Variants in AP3B2 observed in about 807,000 individuals in gnomAD.
AP3B2 encodes adaptor related protein complex 3 subunit beta 2.
In AP3B2, 50 loss-of-function variants were observed where a neutral mutation model predicts 126.9. That is an observed-to-expected ratio of 0.39 (90% CI 0.31 to 0.50). The LOEUF is 0.50. AP3B2 is among the 20% of genes least tolerant of loss of function. AP3B2 has a pLI of 0.79. For missense variants in AP3B2, 1,177 were observed against 1,426.4 expected, an observed-to-expected ratio of 0.83 and a Z score of 2.82; for synonymous variants, 541 against 565.0, an observed-to-expected ratio of 0.96 and a Z score of 0.60.
rs374654361 is a variant in AP3B2, at chr15:82,679,805, C to T, written c.1111-5G>A. On this transcript the variant is annotated splice_region_variant and splice_polypyrimidine_tract_variant and intron_variant, in intron 9 of 26. Transcript: ENST00000535359. ...CAGGTAGGGCTCAAACATACCCTGG[C>T]ACAAGAGAGGCAGCTAGGGAGCTCC... 3.7e-4 allele frequency: 594 copies of T among 1,613,766 alleles called. 1 individual carries two copies. Among genetic ancestry groups the T allele is most frequent in the Non-Finnish European group, 4.8e-4 (570 of 1,179,726 alleles).
At chr15:82,666,966 G>A (rs199773980) in intron 14 of AP3B2, 33 bp from the exon 15 acceptor site, 22 of 1,586,834 alleles carry the variant, frequency 1.4e-5, no homozygotes, top group Non-Finnish European at 1.6e-5. Context: ...GTCAGCTGAC[G>A]GGGGGATGGG....
chr15:82,659,489 G>A lies in AP3B2; in HGVS notation c.*71C>T, dbSNP rs1008145243. 1.6e-5 allele frequency: 25 copies of A among 1,564,060 alleles called. No individual in the cohort carries two copies. The highest frequency in any genetic ancestry group is 2.2e-5 in the Non-Finnish European group (25 of 1,144,960). ...GATGATGAGAGAGAGAGAGAAAGATGAGAGAGACTGACAGCCTAGGTGTCA... is the reference window on the plus strand; with the variant it reads ...GATGATGAGAGAGAGAGAGAAAGATAAGAGAGACTGACAGCCTAGGTGTCA... On this transcript the variant is annotated 3_prime_UTR_variant, in exon 27 of 27. Transcript: ENST00000535359.
intron 1 of AP3B2, among the ~76,000 whole-genome samples, chr15:82,701,542 A>G (rs934262606): frequency 6.6e-6 from 1 of 152,156 alleles, no homozygotes; most frequent in South Asian, 2.1e-4. Context: ...TGTTTTATCT[A>G]CTTACCACCT....
chr15:82,661,042 T>C (rs1019253644), intron 25 of AP3B2, among the ~76,000 whole-genome samples: 1 of 152,194 alleles, frequency 6.6e-6, no homozygotes, highest in African/African-American at 2.4e-5. Context: ...AGACACCTTC[T>C]GCCTTGTTGT....
chr15:82,684,131 A>G (rs545699671), intron 4 of AP3B2, among the ~76,000 whole-genome samples: 1 of 152,322 alleles, frequency 6.6e-6, no homozygotes, highest in Non-Finnish European at 1.5e-5. Flanking sequence ...TTGGCCCCTA[A>G]CAAGAGCCAG....
intron 14 of AP3B2, among the ~76,000 whole-genome samples, chr15:82,676,253 A>G (rs576762153): frequency 6.6e-6 from 1 of 152,124 alleles, no homozygotes; most frequent in South Asian, 2.1e-4. Context: ...TTCATAGGAG[A>G]GTCTCTTCAA....
chr15:82,704,756 C>G (rs2048771156), intron 1 of AP3B2, among the ~76,000 whole-genome samples: 1 of 152,256 alleles, frequency 6.6e-6, no homozygotes, highest in South Asian at 2.1e-4. Flanking sequence ...TTGGAAGCTT[C>G]CTGGACCATC....
At chr15:82,675,170 C>G (rs2048223466) in intron 14 of AP3B2, among the ~76,000 whole-genome samples, 1 of 152,240 alleles carries the variant, frequency 6.6e-6, no homozygotes, top group Non-Finnish European at 1.5e-5. Flanking sequence ...TCTAACTTCT[C>G]TCTCTCCAAT....
chr15:82,659,702 C>T lies in AP3B2; in HGVS notation c.3164G>A (p.Gly1055Glu). 1.2e-6 allele frequency: 2 copies of T among 1,613,838 alleles called. No homozygotes were observed. Among genetic ancestry groups the T allele is most frequent in the Non-Finnish European group, 8.5e-7 (1 of 1,179,830 alleles). Residue 1055 changes from glycine to glutamate, a missense_variant, in exon 27 of 27, where the codon GGG becomes GAG. By Grantham distance (98) the Gly-to-Glu change is moderately conservative. Transcript: ENST00000535359. ...CGTSDEYRFA[G>E]RTLTGGSLVL... Reference sequence around the variant, plus strand: ...GAGGCTTCCACCAGTCAGTGTCCTCCCTGCAAACCTGAGGTGGGAATAGAA... The same window carrying T: ...GAGGCTTCCACCAGTCAGTGTCCTCTCTGCAAACCTGAGGTGGGAATAGAA...
At chr15:82,673,712 T>G (rs906763646) in intron 14 of AP3B2, among the ~76,000 whole-genome samples, 4 of 152,226 alleles carry the variant, frequency 2.6e-5, no homozygotes, top group East Asian at 1.9e-4. Flanking sequence ...GGTGGACTTA[T>G]TAATAGTTTA....
chr15:82,683,553 C>T (rs1169327429), intron 4 of AP3B2, among the ~76,000 whole-genome samples: 3 of 152,180 alleles, frequency 2.0e-5, no homozygotes, highest in African/African-American at 7.2e-5. Flanking sequence ...TCAAAGTCAT[C>T]CATGGAGTTT....
chr15:82,680,044 C>T lies in AP3B2; in HGVS notation c.1110+131G>A. On this transcript the variant is annotated intron_variant, in intron 9 of 26. Transcript: ENST00000535359. The surrounding 1 kb of genome is among the most constrained non-coding windows in gnomAD (Gnocchi z 6.1). Reference sequence around the variant, plus strand: ...ATCTGTATTTGGAGCCTCCCCTGCCCCATCCTCTGCACAGCCAGGGTATTC... The same window carrying T: ...ATCTGTATTTGGAGCCTCCCCTGCCTCATCCTCTGCACAGCCAGGGTATTC... 7.6e-7 allele frequency: 1 copy of T among 1,323,646 alleles called. No homozygotes were observed. Among genetic ancestry groups the T allele is most frequent in the Non-Finnish European group, 1.0e-6 (1 of 957,956 alleles). 82.0% of individuals were successfully genotyped at this position (1,323,646 alleles called of 1,614,324 possible).
chr15:82,689,327 C>T (rs961309814), intron 2 of AP3B2, 51 bp downstream of exon 2: 19 of 1,612,228 alleles, frequency 1.2e-5, no homozygotes, highest in Non-Finnish European at 1.4e-5. Context: ...GAGAGCTGCT[C>T]TTGGCCACCC....
In AP3B2 at chr15:82,709,618, C is replaced by A; in HGVS notation, c.89G>T (p.Gly30Val). Residue 30 changes from glycine (G) to valine (V), a missense_variant, in exon 1 of 27, where the codon GGC becomes GTC. Transcript: ENST00000535359. ...PEYGHDPASGGIFSSDYKRHD... is the reference protein window; with the variant it reads ...PEYGHDPASGVIFSSDYKRHD... ...CCGCTTGTAGTCGGAGGAGAAGATG[C>A]CGCCGCTCGCGGGGTCGTGGCCGTA... The A allele has an allele frequency of 6.6e-7, 1 of 1,513,506 alleles. No homozygotes were observed. The highest frequency in any genetic ancestry group is 8.8e-7 in the Non-Finnish European group (1 of 1,132,816). The allele number at this position is 1,513,506 out of a possible 1,614,324, so 93.8% of individuals were successfully genotyped here.
chr15:82,709,459 G>C (rs1432576728), intron 1 of AP3B2, 135 bp downstream of exon 1: 33 of 402,228 alleles, frequency 8.2e-5, no homozygotes, highest in Non-Finnish European at 1.1e-4. Flanking sequence ...GCCGCAGGAG[G>C]GGGCCGGGCG....
At chr15:82,673,908 C>T (rs891495020) in intron 14 of AP3B2, among the ~76,000 whole-genome samples, 1 of 152,228 alleles carries the variant, frequency 6.6e-6, no homozygotes, top group African/African-American at 2.4e-5. Context: ...CCTCCTGCCA[C>T]ACATCTCACC....
At position 82,676,451 on chromosome 15, in the gene AP3B2, T is replaced by C. The variant is rs1407869719; in HGVS notation, c.1665+10A>G. Reference sequence around the variant, plus strand: ...CCAGAGTATCTGGGGGGTCATCTCTTAATCTTTACCTGTTTAGAGTTGGTC... The same window carrying C: ...CCAGAGTATCTGGGGGGTCATCTCTCAATCTTTACCTGTTTAGAGTTGGTC... On this transcript the variant is annotated intron_variant, in intron 14 of 26. Transcript: ENST00000535359. 1 of 1,613,358 alleles carries C rather than the reference T, an allele frequency of 6.2e-7. No homozygotes were observed. Among genetic ancestry groups the C allele is most frequent in the Admixed American group, 1.7e-5 (1 of 59,978 alleles).
At chr15:82,705,402 A>G (rs1285140591) in intron 1 of AP3B2, among the ~76,000 whole-genome samples, 1 of 152,078 alleles carries the variant, frequency 6.6e-6, no homozygotes, top group Non-Finnish European at 1.5e-5. Context: ...TGTCAGCCAA[A>G]TTGTTTTGCC....
intron 1 of AP3B2, among the ~76,000 whole-genome samples, chr15:82,693,673 G>T (rs1216874584): frequency 6.6e-6 from 1 of 152,124 alleles, no homozygotes; most frequent in Non-Finnish European, 1.5e-5. Flanking sequence ...AAAATTATTA[G>T]CAGCAACAAT....
Sources: gnomAD v4.1 joint callset for allele counts (sites outside exome capture counted in the v4.1 genomes callset) on GRCh38, gnomAD v4.1.1 for gene constraint, Gnocchi (gnomAD v3.1) non-coding constraint, MANE v1.5 for transcripts, NCBI Gene and HGNC (gene_info 2026-07-23, HGNC 2026-07-21) for gene names.